The following STPG2 variants were observed in gnomAD, a reference collection of about 807,000 sequenced individuals.
The protein encoded by STPG2 is sperm tail PG-rich repeat containing 2.
In STPG2, 56 loss-of-function variants were observed where a neutral mutation model predicts 54.2. That is an observed-to-expected ratio of 1.03 (90% confidence interval 0.83 to 1.29). The LOEUF is 1.29. STPG2 is among the 50% of genes most tolerant of loss of function. STPG2 has a pLI of 0.00. For missense variants in STPG2, 596 were observed against 544.9 expected (o/e 1.09, Z -0.93); for synonymous variants, 200 against 181.8 (o/e 1.10, Z -0.81).
At chr4:97,739,886 C>T (rs1465708549) in intron 9 of STPG2, among the ~76,000 whole-genome samples, 2 of 151,944 alleles carry the variant, frequency 1.3e-5, no homozygotes, top group Non-Finnish European at 1.5e-5. Context: ...ATCCTGATAC[C>T]AAAGCCGGGC....
intron 4 of STPG2, among the ~76,000 whole-genome samples, chr4:97,494,958 G>T (rs28671600): frequency 0.24 from 35,617 of 150,722 alleles, 9,523 homozygotes; most frequent in African/African-American, 0.66. Flanking sequence ...GCTGATAAAA[G>T]AAAAAAGAAA....
At chr4:97,723,605 T>A (rs1180293889) in intron 9 of STPG2, among the ~76,000 whole-genome samples, 1 of 152,188 alleles carries the variant, frequency 6.6e-6, no homozygotes, top group Non-Finnish European at 1.5e-5. Flanking sequence ...GATCTAATCT[T>A]ATTTTCTCTG....
intron 5 of STPG2, among the ~76,000 whole-genome samples, chr4:98,059,086 G>T (rs543828631): frequency 6.6e-6 from 1 of 151,012 alleles, no homozygotes; most frequent in African/African-American, 2.4e-5. Context: ...TAGTAAGATA[G>T]ATAGGCCGCT....
intron 9 of STPG2, among the ~76,000 whole-genome samples, chr4:97,824,239 G>A (rs1397458276): frequency 6.6e-6 from 1 of 152,062 alleles, no homozygotes; most frequent in Admixed American, 6.6e-5. Context: ...GCCTCCCTGA[G>A]CTCCTAGACT....
intron 10 of STPG2, among the ~76,000 whole-genome samples, chr4:97,581,981 C>T (rs907546106): frequency 2.6e-5 from 4 of 151,626 alleles, no homozygotes; most frequent in African/African-American, 9.7e-5. Flanking sequence ...TATTCTGTTC[C>T]GAGTTTATAA....
chr4:97,719,435 C>T (rs1333837063), intron 9 of STPG2, among the ~76,000 whole-genome samples: 1 of 151,812 alleles, frequency 6.6e-6, no homozygotes, highest in Admixed American at 6.6e-5. Flanking sequence ...TGGATTCATC[C>T]CAAAATAATA....
At chr4:97,988,386 C>T (rs1032862228) in intron 5 of STPG2, among the ~76,000 whole-genome samples, 4 of 152,040 alleles carry the variant, frequency 2.6e-5, no homozygotes, top group Admixed American at 2.6e-4. Flanking sequence ...TTCTAAGCTC[C>T]AGAAAGGTCA....
At chr4:98,130,738 C>G (rs943939353) in intron 2 of STPG2, among the ~76,000 whole-genome samples, 1 of 151,572 alleles carries the variant, frequency 6.6e-6, no homozygotes, top group Admixed American at 6.6e-5. Flanking sequence ...CTGGCTAACA[C>G]GGTGAAACCC....
At chr4:97,791,215 T>TA (rs987000491) in intron 9 of STPG2, among the ~76,000 whole-genome samples, 5 of 151,794 alleles carry the variant, frequency 3.3e-5, no homozygotes, top group South Asian at 4.2e-4. Flanking sequence ...TTTCCCACAC[T>TA]AAAAAAAATA....
intron 5 of STPG2, among the ~76,000 whole-genome samples, chr4:98,035,186 T>G (rs759909972): frequency 3.2e-4 from 48 of 152,262 alleles, no homozygotes; most frequent in Middle Eastern, 3.4e-3. Flanking sequence ...AGAAAAATTC[T>G]GCAATCTCTC....
At chr4:98,046,456 C>T in intron 5 of STPG2, among the ~76,000 whole-genome samples, 1 of 152,150 alleles carries the variant, frequency 6.6e-6, no homozygotes, top group East Asian at 1.9e-4. Context: ...GTCAGACTGG[C>T]CATGTGTAGG....
At chr4:97,708,601 T>C (rs924708873) in intron 10 of STPG2, among the ~76,000 whole-genome samples, 1 of 151,944 alleles carries the variant, frequency 6.6e-6, no homozygotes, top group Non-Finnish European at 1.5e-5. Flanking sequence ...CTATTTATAA[T>C]AATAGAAAAA....
At chr4:97,981,129 A>T in intron 6 of STPG2, 30 bp downstream of exon 6, 1 of 1,598,190 alleles carries the variant, frequency 6.3e-7, no homozygotes, top group South Asian at 1.1e-5. Flanking sequence ...ATAAAGCCAA[A>T]GAGTAGACAT....
In STPG2 at chr4:97,841,655, G is replaced by A. The variant is rs1026934114; in HGVS notation, c.1045-723C>T. On this transcript the variant is annotated intron_variant, in intron 8 of 10. Coordinates refer to ENST00000295268, the MANE Select transcript of STPG2 (RefSeq NM_174952.3). ...GTATAAAGACAAAAACTTTTTAAGC[G>A]TTAATGATTTCCCAGTAGGCAGGAA... Among the ~76,000 whole-genome samples the A allele has an allele frequency of 1.1e-4, 17 of 151,680 alleles. 1 individual carries two copies. The highest frequency in any genetic ancestry group is 3.4e-4 in the African/African-American group (14 of 41,452).
At chr4:97,974,547 T>G (rs1255487628) in intron 6 of STPG2, among the ~76,000 whole-genome samples, 1 of 151,576 alleles carries the variant, frequency 6.6e-6, no homozygotes, top group African/African-American at 2.4e-5. Context: ...AATTCTTATG[T>G]GTCTTGGGAG....
intron 9 of STPG2, among the ~76,000 whole-genome samples, chr4:97,713,771 A>G (rs1724204732): frequency 6.6e-6 from 1 of 152,170 alleles, no homozygotes; most frequent in South Asian, 2.1e-4. Flanking sequence ...GGCCCAGGGT[A>G]CGGGACCTGT....
At chr4:97,761,654 T>C (rs1453087538) in intron 9 of STPG2, among the ~76,000 whole-genome samples, 1 of 152,176 alleles carries the variant, frequency 6.6e-6, no homozygotes, top group Non-Finnish European at 1.5e-5. Flanking sequence ...ATGGATATCT[T>C]GGGAAGCTAT....
In STPG2 at chr4:97,871,413, A is replaced by T. The variant is rs562791009; in HGVS notation, c.1045-30481T>A. 4.3e-3 allele frequency among the ~76,000 whole-genome samples: 646 copies of T among 150,698 alleles called. 4 individuals are homozygous for T. Among genetic ancestry groups the T allele is most frequent in the South Asian group, 0.024 (117 of 4,816 alleles). ...CCAGTAGCTAATCTAATTTTTTTTT[A>T]AAAAGGGGGGGAATCATAATTTTTT... is the stretch of plus-strand genomic sequence containing the variant. On this transcript the variant is annotated intron_variant, in intron 8 of 10. Transcript: ENST00000295268.
chr4:97,902,848 T>C (rs544526553), intron 8 of STPG2, among the ~76,000 whole-genome samples: 1 of 152,286 alleles, frequency 6.6e-6, no homozygotes, highest in South Asian at 2.1e-4. Context: ...AGTACTTCCA[T>C]TTTCATTGCA....
Sources: gnomAD v4.1 joint callset for allele counts (sites outside exome capture counted in the v4.1 genomes callset) on GRCh38, gnomAD v4.1.1 for gene constraint, MANE v1.5 for transcripts, NCBI Gene and HGNC (gene_info 2026-07-23, HGNC 2026-07-21) for gene names.